FNDC1: variants seen among roughly 807,000 people sequenced by gnomAD.
The protein encoded by FNDC1 is fibronectin type III domain containing 1.
FNDC1 carries 96 observed loss-of-function variants against 168.0 expected under a neutral mutation model. The observed-to-expected ratio is 0.57, with a 90% CI of 0.48 to 0.68. FNDC1 has a LOEUF of 0.68. FNDC1 is among the 30% of genes least tolerant of loss of function. The probability of loss-of-function intolerance (pLI) is 0.00; values close to 1 mark genes in which losing one functional copy is unlikely to be tolerated. For missense variants in FNDC1, 2,587 were observed against 2,482.1 expected, an observed-to-expected ratio of 1.04 and a Z score of -0.90; for synonymous variants, 1,099 against 1,025.9, an observed-to-expected ratio of 1.07 and a Z score of -1.36.
intron 1 of FNDC1, among the ~76,000 whole-genome samples, chr6:159,185,950 G>A (rs294876): frequency 4.5e-4 from 69 of 152,120 alleles, no homozygotes; most frequent in South Asian, 2.1e-4. Context: ...TCTGTCAGAC[G>A]GTTATATATT....
At chr6:159,236,833 T>G (rs1583899516) in intron 12 of FNDC1, among the ~76,000 whole-genome samples, 1 of 152,236 alleles carries the variant, frequency 6.6e-6, no homozygotes, top group East Asian at 1.9e-4. Context: ...CAACAAGTGT[T>G]GGACTAAAAT....
intron 22 of FNDC1, among the ~76,000 whole-genome samples, chr6:159,269,497 T>TCTAA (rs1386331593): frequency 1.4e-5 from 2 of 142,424 alleles, no homozygotes; most frequent in African/African-American, 5.6e-5. Context: ...TATCTATCTA[T>TCTAA]CTATCCATCC....
At chr6:159,206,648 C>T (rs752919250) in intron 4 of FNDC1, among the ~76,000 whole-genome samples, 1 of 152,112 alleles carries the variant, frequency 6.6e-6, no homozygotes, top group Non-Finnish European at 1.5e-5. Context: ...AATGTTGATT[C>T]GGGGGGTTCT....
chr6:159,235,222 C>T (rs758637427), intron 11 of FNDC1, among the ~76,000 whole-genome samples: 12 of 152,086 alleles, frequency 7.9e-5, no homozygotes, highest in East Asian at 1.9e-4. Flanking sequence ...GGGCAGGGTC[C>T]GAGGCATTTA....
intron 3 of FNDC1, 27 bp downstream of exon 3, chr6:159,200,109 G>T: frequency 1.3e-6 from 2 of 1,512,378 alleles, no homozygotes; most frequent in Non-Finnish European, 1.8e-6. Flanking sequence ...ATCAGAGGCT[G>T]TAGTGTTGTT....
In FNDC1 at chr6:159,269,308, C is replaced by CTAA. The variant is rs1239682200; in HGVS notation, c.5569+1382_5569+1383insTAA. ...TCTATCTATCCATCCATCCATCTATCCTATCTATTTATCTAACTATCTATC... is the reference window on the plus strand; with the variant it reads ...TCTATCTATCCATCCATCCATCTATCTAACTATCTATTTATCTAACTATCTATC... On this transcript the variant is annotated intron_variant, in intron 22 of 22. Transcript: ENST00000297267. Among the ~76,000 whole-genome samples, 349 of 78,770 alleles carry CTAA rather than the reference C, an allele frequency of 4.4e-3. 54 individuals carry two copies. Among genetic ancestry groups the CTAA allele is most frequent in the Middle Eastern group, 0.019 (2 of 108 alleles). The allele number at this position is 78,770 out of a possible 152,430, so 51.7% of individuals were successfully genotyped here.
Position 159,233,503 on chromosome 6 carries a change from A to T in FNDC1, c.2991A>T (p.Thr997=). 6.2e-7 allele frequency: 1 copy of T among 1,602,816 alleles called. No homozygotes were observed. Among genetic ancestry groups the T allele is most frequent in the Non-Finnish European group, 8.5e-7 (1 of 1,177,894 alleles). The change falls in exon 11 of 23, where the codon ACA becomes ACT. Residue 997 remains threonine (T), a synonymous_variant. Transcript: ENST00000297267. The surrounding 1 kb of genome is among the most constrained non-coding windows in gnomAD (Gnocchi z 4.6). The part of the protein sequence containing the change: ...QQHPSVPRRM[T]PGRAPQQQPP... ...ATCCCAGTGTTCCCAGAAGGATGAC[A>T]CCCGGCCGGGCCCCACAACAGCAGC...
intron 14 of FNDC1, among the ~76,000 whole-genome samples, chr6:159,244,290 A>G (rs1340617099): frequency 6.6e-6 from 1 of 152,254 alleles, no homozygotes; most frequent in Non-Finnish European, 1.5e-5. Context: ...TCCCAGGTAT[A>G]TTGACATTGG....
chr6:159,204,112 C>G (rs894676145), intron 4 of FNDC1, among the ~76,000 whole-genome samples: 2 of 152,074 alleles, frequency 1.3e-5, no homozygotes, highest in Non-Finnish European at 2.9e-5. Context: ...TTTGGACAAA[C>G]GATAGCTTGG....
intron 8 of FNDC1, among the ~76,000 whole-genome samples, chr6:159,226,137 T>A (rs1158069110): frequency 6.6e-6 from 1 of 152,226 alleles, no homozygotes; most frequent in African/African-American, 2.4e-5. Flanking sequence ...GCTACCATTC[T>A]TTTCTCTTAA....
Position 159,244,082 on chromosome 6 carries a change from T to C in FNDC1, c.4622-2819T>C, listed in dbSNP as rs185609087. ...CAAAAACCTTACAATGTATTTATTT[T>C]TTATCTGGCGAAAAGCAATAATGAA... On this transcript the variant is annotated intron_variant, in intron 14 of 22. Coordinates refer to ENST00000297267, the MANE Select transcript of FNDC1 (RefSeq NM_032532.3). Among the ~76,000 whole-genome samples the C allele has an allele frequency of 4.6e-5, 7 of 152,364 alleles. No homozygotes were observed. In the East Asian group the frequency reaches 1.3e-3, roughly 29 times the overall value.
chr6:159,208,221 C>A (rs2114959011), intron 4 of FNDC1, among the ~76,000 whole-genome samples: 1 of 152,260 alleles, frequency 6.6e-6, no homozygotes, highest in South Asian at 2.1e-4. Context: ...CAGGGTAGGA[C>A]TGACCCCAAG....
chr6:159,194,265 A>T (rs1782197594), intron 1 of FNDC1, among the ~76,000 whole-genome samples: 1 of 152,204 alleles, frequency 6.6e-6, no homozygotes, highest in Non-Finnish European at 1.5e-5. Flanking sequence ...TCATGCATGG[A>T]CTGTGAAGTT....
At chr6:159,268,990 TTATCCATCCATC>T (rs1314566488) in intron 22 of FNDC1, among the ~76,000 whole-genome samples, 45 of 107,084 alleles carry the variant, frequency 4.2e-4, no homozygotes, top group Non-Finnish European at 6.4e-4. Flanking sequence ...ATGTATCTAT[TTATCCATCCATC>T]CATCCATCCA....
chr6:159,194,320 T>C (rs952287431), intron 1 of FNDC1, among the ~76,000 whole-genome samples: 2 of 152,220 alleles, frequency 1.3e-5, no homozygotes, highest in South Asian at 4.1e-4. Flanking sequence ...TCCTGTTGAA[T>C]TGATGTTTGG....
At chr6:159,257,802 A>C (rs294887) in intron 18 of FNDC1, among the ~76,000 whole-genome samples, 96,527 of 152,072 alleles carry the variant, frequency 0.63, 32,100 homozygotes, top group Middle Eastern at 0.75. Context: ...GAAACTGAGA[A>C]AGCACTTTTT....
At chr6:159,246,800 C>G in intron 14 of FNDC1, 101 bp from the exon 15 acceptor site, 1 of 794,048 alleles carries the variant, frequency 1.3e-6, no homozygotes, top group Non-Finnish European at 2.2e-6. Flanking sequence ...GTTTTCATGA[C>G]CTGCTTGAGG....
At chr6:159,177,323 G>T (rs1378172483) in intron 1 of FNDC1, among the ~76,000 whole-genome samples, 1 of 152,172 alleles carries the variant, frequency 6.6e-6, no homozygotes, top group Admixed American at 6.5e-5. Context: ...TAGTGCTGTG[G>T]CTGGAGTTAG....
At chr6:159,255,770 G>A (rs1394624058) in intron 17 of FNDC1, among the ~76,000 whole-genome samples, 1 of 152,202 alleles carries the variant, frequency 6.6e-6, no homozygotes, top group Non-Finnish European at 1.5e-5. Flanking sequence ...CAAAGGAAGT[G>A]CTTGACAAAT....
Sources: allele counts gnomAD v4.1 joint callset (sites outside exome capture counted in the v4.1 genomes callset), GRCh38; gene constraint gnomAD v4.1.1; non-coding constraint Gnocchi (gnomAD v3.1); transcripts MANE v1.5; gene names NCBI Gene and HGNC (gene_info 2026-07-23, HGNC 2026-07-21).